CTC1: variants seen among roughly 807,000 people sequenced by gnomAD.
CTC1 encodes the protein CST complex subunit CTC1.
In CTC1, 91 loss-of-function variants were observed where a neutral mutation model predicts 136.3. The ratio of observed to expected loss-of-function variants is 0.67; its 90% CI spans 0.56 to 0.79. CTC1 has a LOEUF of 0.79. Among genes scored for constraint, CTC1 ranks in the 30% least tolerant of loss-of-function variants. The pLI, the probability that CTC1 is intolerant of heterozygous loss-of-function variation, is 0.00. For synonymous variants in CTC1, 606 were observed against 613.8 expected, an observed-to-expected ratio of 0.99 and a Z score of 0.19; for missense variants, 1,432 against 1,498.1, an observed-to-expected ratio of 0.96 and a Z score of 0.73.
chr17:8,230,714 A>G (rs1987147310), intron 15 of CTC1, 63 bp from the exon 16 acceptor site: 1 of 1,405,094 alleles, frequency 7.1e-7, no homozygotes, highest in Non-Finnish European at 1.0e-6. Context: ...GGAGACAGTC[A>G]GATTCAAGGC....
At chr17:8,245,903 A>G (rs371939225) in intron 1 of CTC1, among the ~76,000 whole-genome samples, 4,273 of 133,370 alleles carry the variant, frequency 0.032, 8 homozygotes, top group East Asian at 0.099. Context: ...CTCTAAAACA[A>G]TTCAAAATTA....
At chr17:8,232,792 CAT>C (rs2151512108) in intron 11 of CTC1, 112 bp downstream of exon 11, 3 of 1,355,748 alleles carry the variant, frequency 2.2e-6, no homozygotes, top group South Asian at 2.6e-5. Context: ...TGTTGATTGA[CAT>C]GTGTCACTTC....
intron 2 of CTC1, among the ~76,000 whole-genome samples, chr17:8,239,885 G>C (rs1450497424): frequency 2.0e-5 from 3 of 152,314 alleles, no homozygotes; most frequent in African/African-American, 7.2e-5. Context: ...TTCCCTGACA[G>C]CTTTGGAGAA....
chr17:8,240,365 A>AT (rs1415067023), intron 2 of CTC1, among the ~76,000 whole-genome samples: 1 of 151,096 alleles, frequency 6.6e-6, no homozygotes, highest in Non-Finnish European at 1.5e-5. Flanking sequence ...CATGCTGGCC[A>AT]GGCTGGTCTC....
At chr17:8,230,246 G>A (rs1484457696) in intron 17 of CTC1, 48 bp downstream of exon 17, 7 of 1,555,952 alleles carry the variant, frequency 4.5e-6, no homozygotes, top group Middle Eastern at 2.3e-4. Context: ...ACATTCCAGA[G>A]AGCCACATCA....
In CTC1 at chr17:8,228,234, A is replaced by G. The variant is rs761178911; in HGVS notation, c.3600T>C (p.Ser1200=). ...AGCTGGAGTACTCTGACTCTCGGAT[A>G]GAAAGGCAGGACAATCGGAGCCTGG... is the stretch of plus-strand genomic sequence containing the variant. ...VNPRLRLSCL[S]IRESEYSSSL... is the part of the protein sequence containing the mutation. Residue 1200 remains serine (S), a synonymous_variant, in exon 23 of 23, where the codon TCT becomes TCC. Coordinates refer to ENST00000651323, the MANE Select transcript of CTC1 (RefSeq NM_025099.6). 89 of 1,614,038 alleles carry G rather than the reference A, an allele frequency of 5.5e-5. 1 individual carries two copies. Among genetic ancestry groups the G allele is most frequent in the South Asian group, 2.9e-4 (26 of 91,086 alleles).
Position 8,235,146 on chromosome 17 carries a change from C to T in CTC1, c.1346G>A (p.Gly449Glu). The change falls in exon 8 of 23, where the codon GGG becomes GAG. Residue 449 changes from glycine to glutamate, a missense_variant. Coordinates refer to ENST00000651323, the MANE Select transcript of CTC1 (RefSeq NM_025099.6). The stretch of plus-strand genomic sequence containing the variant: ...CACCAGCTGCTCGTACAGGGAGGCC[C>T]CGTAGGCTTGACGGGATGAGTGAGC... ...PGAHSSRQAY[G>E]ASLYEQLVWE... 6.2e-7 allele frequency: 1 copy of T among 1,614,170 alleles called. No individual in the cohort carries two copies. The highest frequency in any genetic ancestry group is 8.5e-7 in the Non-Finnish European group (1 of 1,180,042).
intron 2 of CTC1, among the ~76,000 whole-genome samples, chr17:8,240,640 G>A (rs1370590878): frequency 6.6e-6 from 1 of 151,990 alleles, no homozygotes; most frequent in African/African-American, 2.4e-5. Context: ...AGCACTTTGG[G>A]AGGCCGAGGC....
In CTC1 at chr17:8,246,399, C is replaced by G. The variant is rs530788087; in HGVS notation, c.33+1605G>C. ...TCTCATTCCTGAGCTTTAGTCCTAT[C>G]CATCTGCCAGACTCTCCATGGCCAA... On this transcript the variant is annotated intron_variant, in intron 1 of 22. Coordinates refer to ENST00000651323, the MANE Select transcript of CTC1 (RefSeq NM_025099.6). Among the ~76,000 whole-genome samples, 4 of 152,284 alleles carry G rather than the reference C, an allele frequency of 2.6e-5. No individual in the cohort carries two copies. In the South Asian group the frequency reaches 8.3e-4, roughly 32 times the overall value.
rs1050202961 is a variant in CTC1, at chr17:8,230,434, T to A, written c.2793A>T (p.Leu931=). 6.2e-7 allele frequency: 1 copy of A among 1,614,070 alleles called. No individual in the cohort carries two copies. ...ATTCAGCAGTCTCAAGAGCGACTGT[T>A]AGCTTCACACACCTTCTCATGGCCC... ...NTGAMRRCVK[L]TVALETAECE... Residue 931 remains leucine (L), a synonymous_variant, in exon 17 of 23, where the codon CTA becomes CTT. Coordinates refer to ENST00000651323, the MANE Select transcript of CTC1 (RefSeq NM_025099.6).
chr17:8,247,225 C>T (rs1305008086), intron 1 of CTC1, among the ~76,000 whole-genome samples: 1 of 150,258 alleles, frequency 6.7e-6, no homozygotes, highest in Non-Finnish European at 1.5e-5. Context: ...CCCAACTGAA[C>T]TTTTGAGTTT....
chr17:8,229,694 C>G (rs1276038888), intron 18 of CTC1, among the ~76,000 whole-genome samples, 197 bp downstream of exon 18: 1 of 152,140 alleles, frequency 6.6e-6, no homozygotes, highest in Non-Finnish European at 1.5e-5. Context: ...CTTCAAAAGC[C>G]TAGAACACTA....
intron 2 of CTC1, among the ~76,000 whole-genome samples, chr17:8,240,156 C>CTT (rs397969607): frequency 0.015 from 2,141 of 139,962 alleles, 45 homozygotes; most frequent in African/African-American, 0.027. Flanking sequence ...AGAACTGTCT[C>CTT]TTTTTTTTTT....
chr17:8,230,459 C>G lies in CTC1; in HGVS notation c.2768G>C (p.Gly923Ala). 1 of 1,613,902 alleles carries G rather than the reference C, an allele frequency of 6.2e-7. No individual in the cohort carries two copies. Among genetic ancestry groups the G allele is most frequent in the Non-Finnish European group, 8.5e-7 (1 of 1,179,874 alleles). Residue 923 changes from glycine to alanine, a missense_variant, in exon 17 of 23, where the codon GGG becomes GCG. By Grantham distance (60) the Gly-to-Ala change is moderately conservative (BLOSUM62 0). Coordinates refer to ENST00000651323, the MANE Select transcript of CTC1 (RefSeq NM_025099.6). ...TAGCTTCACACACCTTCTCATGGCC[C>G]CCGTGTTCCCTATAGAAGGAAGGTG... is the stretch of plus-strand genomic sequence containing the variant. ...ASLWMKLGNTGAMRRCVKLTV... is the reference protein window; with the variant it reads ...ASLWMKLGNTAAMRRCVKLTV...
chr17:8,231,505 T>C, intron 14 of CTC1, 36 bp from the exon 15 acceptor site: 1 of 1,561,896 alleles, frequency 6.4e-7, no homozygotes, highest in South Asian at 1.2e-5. Flanking sequence ...CCTGTGAGTG[T>C]GTGCTAGTCC....
rs1987720313 is a variant in CTC1 at position 8,236,293 on chromosome 17, T to C, written c.842A>G (p.Tyr281Cys). 1.9e-6 allele frequency: 3 copies of C among 1,612,916 alleles called. No homozygotes were observed. The highest frequency in any genetic ancestry group is 1.3e-5 in the African/African-American group (1 of 74,920). ...WHRALRPGTA[Y>C]VLTELRVSKI... The stretch of plus-strand genomic sequence containing the variant: ...GGACACTCGCAGTTCTGTCAGCACA[T>C]AGGCTGTACCAGGCCGAAGGGCTCT... The change falls in exon 6 of 23, where the codon TAT (tyrosine) becomes TGT (cysteine). Residue 281 changes from tyrosine (Y) to cysteine (C), a missense_variant. Coordinates refer to ENST00000651323, the MANE Select transcript of CTC1 (RefSeq NM_025099.6).
In CTC1 at chr17:8,231,955, C is replaced by T. The variant is rs1427706121; in HGVS notation, c.2333G>A (p.Gly778Asp). The change falls in exon 13 of 23, where the codon GGT (glycine) becomes GAT (aspartate). Residue 778 changes from glycine (G) to aspartate (D), a missense_variant. Transcript: ENST00000651323. ...SWLGGTQRKE[G>D]TGWGLPEPQG... Reference sequence around the variant, plus strand: ...GGGCTCGGGCAGCCCCCATCCAGTACCCTCCTTCCTCTGGGTGCCCCCAAG... The same window carrying T: ...GGGCTCGGGCAGCCCCCATCCAGTATCCTCCTTCCTCTGGGTGCCCCCAAG... 1 of 1,612,660 alleles carries T rather than the reference C, an allele frequency of 6.2e-7. No individual in the cohort carries two copies. Among genetic ancestry groups the T allele is most frequent in the African/African-American group, 1.3e-5 (1 of 74,862 alleles).
intron 7 of CTC1, 89 bp from the exon 8 acceptor site, chr17:8,235,374 TG>T: frequency 1.0e-6 from 1 of 997,754 alleles, no homozygotes; most frequent in East Asian, 2.5e-5. Flanking sequence ...TGCCACTGCC[TG>T]GGTTCCAGGA....
intron 11 of CTC1, 40 bp from the exon 12 acceptor site, chr17:8,232,515 C>T: frequency 6.4e-7 from 1 of 1,558,728 alleles, no homozygotes. Context: ...AGAAAGGAGA[C>T]CTGTGGGGTG....
Sources: gnomAD v4.1 joint callset for allele counts (sites outside exome capture counted in the v4.1 genomes callset) on GRCh38, gnomAD v4.1.1 for gene constraint, MANE v1.5 for transcripts, NCBI Gene and HGNC (gene_info 2026-07-23, HGNC 2026-07-21) for gene names.